PHF20: variants seen among roughly 807,000 people sequenced by gnomAD.
The protein encoded by PHF20 is PHD finger protein 20.
A neutral mutation model predicts 113.5 loss-of-function variants in PHF20; 23 were observed. The ratio of observed to expected loss-of-function variants is 0.20; its 90% CI spans 0.15 to 0.29. The LOEUF is 0.29. PHF20 is among the 10% of genes least tolerant of loss of function. The probability of loss-of-function intolerance (pLI) is 1.00; values close to 1 mark genes in which losing one functional copy is unlikely to be tolerated. For missense variants in PHF20, 943 were observed against 1,219.6 expected, an observed-to-expected ratio of 0.77 and a Z score of 3.38; for synonymous variants, 434 against 457.3, an observed-to-expected ratio of 0.95 and a Z score of 0.65.
intron 12 of PHF20, among the ~76,000 whole-genome samples, chr20:35,916,673 T>G (rs957912828): frequency 6.6e-6 from 1 of 152,182 alleles, no homozygotes; most frequent in African/African-American, 2.4e-5. Flanking sequence ...TTCACCACGT[T>G]GGCCAGGCTG....
chr20:35,856,867 A>G lies in PHF20; in HGVS notation c.341-1435A>G, dbSNP rs544866081. ...GTCACTTTGAGTTGGTGGGTATTGGATGGTGGTAATGGGAAATAAGGTTTG... is the reference window on the plus strand; with the variant it reads ...GTCACTTTGAGTTGGTGGGTATTGGGTGGTGGTAATGGGAAATAAGGTTTG... On this transcript the variant is annotated intron_variant, in intron 4 of 17. Transcript: ENST00000374012. Among the ~76,000 whole-genome samples, 3 of 152,184 alleles carry G rather than the reference A, an allele frequency of 2.0e-5. No individual in the cohort carries two copies. The South Asian group carries it at 6.2e-4, about 32-fold the overall frequency.
chr20:35,839,966 A>G (rs1445391185), intron 2 of PHF20, among the ~76,000 whole-genome samples: 2 of 152,218 alleles, frequency 1.3e-5, no homozygotes, highest in Non-Finnish European at 2.9e-5. Context: ...TGTGCAAAGT[A>G]CTGCAATAAG....
At chr20:35,864,176 T>A (rs1040571986) in intron 6 of PHF20, among the ~76,000 whole-genome samples, 1 of 152,150 alleles carries the variant, frequency 6.6e-6, no homozygotes, top group Non-Finnish European at 1.5e-5. Flanking sequence ...GTGCATTCTT[T>A]ATGTGTTCAG....
intron 2 of PHF20, among the ~76,000 whole-genome samples, chr20:35,803,719 A>G (rs1334023354): frequency 2.0e-5 from 3 of 148,640 alleles, no homozygotes; most frequent in African/African-American, 7.5e-5. Flanking sequence ...TATATAATAT[A>G]CTGCGTGTGT....
intron 7 of PHF20, 102 bp downstream of exon 7, chr20:35,869,653 T>C (rs1568679702): frequency 1.1e-5 from 8 of 732,758 alleles, no homozygotes; most frequent in Non-Finnish European, 1.9e-5. Context: ...CTCTAATGTT[T>C]GTCTCTGGTC....
At chr20:35,908,787 G>A (rs2055245076) in intron 10 of PHF20, among the ~76,000 whole-genome samples, 1 of 152,104 alleles carries the variant, frequency 6.6e-6, no homozygotes, top group Admixed American at 6.6e-5. Flanking sequence ...CAGTTCCATT[G>A]GAGCCATACA....
chr20:35,916,231 G>A (rs957702740), intron 12 of PHF20, among the ~76,000 whole-genome samples: 8 of 152,234 alleles, frequency 5.3e-5, no homozygotes, highest in Non-Finnish European at 1.2e-4. Context: ...CAATAATGGT[G>A]TCAGTAGACT....
chr20:35,810,561 C>A (rs1307445376), intron 2 of PHF20, among the ~76,000 whole-genome samples: 1 of 152,138 alleles, frequency 6.6e-6, no homozygotes, highest in East Asian at 1.9e-4. Context: ...TTATGAGCCT[C>A]ATTTTAGCAG....
At chr20:35,873,659 G>A (rs113178932) in intron 9 of PHF20, among the ~76,000 whole-genome samples, 7,475 of 151,564 alleles carry the variant, frequency 0.049, 232 homozygotes, top group African/African-American at 0.099. Flanking sequence ...TAGTAGAGAC[G>A]GGGTTTCACC....
At chr20:35,942,822 T>G (rs995408103) in intron 17 of PHF20, among the ~76,000 whole-genome samples, 1 of 152,124 alleles carries the variant, frequency 6.6e-6, no homozygotes, top group African/African-American at 2.4e-5. Context: ...AACTAAGCTT[T>G]CTTTCTTTCT....
chr20:35,903,277 A>G (rs1346037808), intron 10 of PHF20, among the ~76,000 whole-genome samples: 1 of 151,738 alleles, frequency 6.6e-6, no homozygotes, highest in Admixed American at 6.6e-5. Context: ...TACTCACTAG[A>G]CTAGTAGGGT....
intron 2 of PHF20, among the ~76,000 whole-genome samples, chr20:35,814,141 G>A (rs1322928335): frequency 6.6e-6 from 1 of 151,968 alleles, no homozygotes; most frequent in Non-Finnish European, 1.5e-5. Flanking sequence ...GGATGTCATT[G>A]TCTTAAACAA....
chr20:35,869,388 A>G lies in PHF20; in HGVS notation c.809-50A>G, dbSNP rs374327626. Reference sequence around the variant, plus strand: ...TTTTATTTATATATAAAAATGACAGACACTAAGAAATTATGTATCTTTTTT... The same window carrying G: ...TTTTATTTATATATAAAAATGACAGGCACTAAGAAATTATGTATCTTTTTT... On this transcript the variant is annotated intron_variant, in intron 6 of 17. Transcript: ENST00000374012. 1,746 of 889,556 alleles carry G rather than the reference A, an allele frequency of 2.0e-3. 6 individuals carry two copies. Among genetic ancestry groups the G allele is most frequent in the Middle Eastern group, 7.9e-3 (32 of 4,036 alleles). The allele number at this position is 889,556 out of a possible 1,614,324, so 55.1% of individuals were successfully genotyped here. A position where few individuals can be genotyped will look rare whatever the true frequency, so the allele number is the denominator to read the frequency against.
At chr20:35,935,580 T>C (rs2055849071) in intron 15 of PHF20, among the ~76,000 whole-genome samples, 1 of 152,192 alleles carries the variant, frequency 6.6e-6, no homozygotes. Flanking sequence ...TTGCCCAGGG[T>C]GGTCTCGAAC....
chr20:35,833,174 C>T (rs1306223466), intron 2 of PHF20, among the ~76,000 whole-genome samples: 1 of 151,904 alleles, frequency 6.6e-6, no homozygotes, highest in Non-Finnish European at 1.5e-5. Flanking sequence ...TTTTCTTCTG[C>T]TGATTTCTGT....
At chr20:35,875,032 C>T (rs1044504911) in intron 9 of PHF20, among the ~76,000 whole-genome samples, 3 of 151,976 alleles carry the variant, frequency 2.0e-5, no homozygotes, top group Non-Finnish European at 2.9e-5. Flanking sequence ...CCAGGGAGGT[C>T]GAGGCTGCCT....
intron 10 of PHF20, among the ~76,000 whole-genome samples, chr20:35,912,886 C>G (rs372535371): frequency 7.2e-5 from 11 of 152,266 alleles, no homozygotes; most frequent in African/African-American, 2.4e-4. Context: ...GAGCAGTGAT[C>G]TAAGTAGAGT....
chr20:35,798,424 AT>A (rs748168468), intron 1 of PHF20, among the ~76,000 whole-genome samples: 5 of 152,064 alleles, frequency 3.3e-5, no homozygotes, highest in African/African-American at 1.2e-4. Context: ...CTCCAAAAAA[AT>A]AAATTCATAT....
At chr20:35,819,875 G>T (rs904384486) in intron 2 of PHF20, among the ~76,000 whole-genome samples, 1 of 152,166 alleles carries the variant, frequency 6.6e-6, no homozygotes, top group Non-Finnish European at 1.5e-5. Context: ...CTTTGCTAGT[G>T]ACTCACATTT....
Sources: gnomAD v4.1 joint callset for allele counts (sites outside exome capture counted in the v4.1 genomes callset) on GRCh38, gnomAD v4.1.1 for gene constraint, MANE v1.5 for transcripts, NCBI Gene and HGNC (gene_info 2026-07-23, HGNC 2026-07-21) for gene names.